PSCA: variants seen among roughly 807,000 people sequenced by gnomAD.
The protein encoded by PSCA is prostate stem cell antigen.
A neutral mutation model predicts 7.9 loss-of-function variants in PSCA; 7 were observed. The ratio of observed to expected loss-of-function variants is 0.89; its 90% confidence interval spans 0.51 to 1.67. The LOEUF (loss-of-function observed/expected upper bound fraction) is 1.67. Among genes scored for constraint, PSCA ranks in the 40% most tolerant of loss-of-function variants. The pLI is 0.00. For missense variants in PSCA, 151 were observed against 147.9 expected (o/e 1.02, Z -0.11); for synonymous variants, 61 against 68.3 (o/e 0.89, Z 0.53).
upstream of PSCA, chr8:142,680,420 C>CGCT: frequency 1.6e-6 from 2 of 1,287,478 alleles, no homozygotes; most frequent in South Asian, 2.6e-5. Context: ...CCAGGAAACC[C>CGCT]GCTGGTGTTG....
intron 1 of PSCA, among the ~76,000 whole-genome samples, chr8:142,670,817 T>C (rs9297976): frequency 0.41 from 62,543 of 152,068 alleles, 12,944 homozygotes; most frequent in Non-Finnish European, 0.43. Flanking sequence ...GAGATTCTTA[T>C]GTTTATCAGG....
At chr8:142,675,478 G>A (rs1554637749), upstream of PSCA, among the ~76,000 whole-genome samples, 2 of 152,014 alleles carry the variant, frequency 1.3e-5, no homozygotes, top group South Asian at 2.1e-4. Flanking sequence ...GGGGAAGAAC[G>A]CCTCTGAGGG....
upstream of PSCA, chr8:142,675,914 C>T (rs1847395526): frequency 6.6e-6 from 1 of 152,194 alleles, no homozygotes. Flanking sequence ...AAGTGACATG[C>T]TATCTTTATT....
chr8:142,670,540 T>A (rs1847303184), exon 1 of PSCA: 1 of 152,230 alleles, frequency 6.6e-6, no homozygotes, highest in Non-Finnish European at 1.5e-5. Context: ...ACGATGGGAT[T>A]TGAAACTTTT....
At chr8:142,678,755 C>T (rs11784607), upstream of PSCA, among the ~76,000 whole-genome samples, 4 of 66,286 alleles carry the variant, frequency 6.0e-5, no homozygotes, top group South Asian at 4.6e-4. Context: ...GGGTCCTAGC[C>T]ACTGCTACCA....
In PSCA at chr8:142,681,913, C is replaced by T. The variant is rs782010692; in HGVS notation, c.134-8C>T. The T allele has an allele frequency of 5.9e-6, 9 of 1,520,876 alleles. 1 individual carries two copies. The South Asian group carries it at 1.0e-4, about 17-fold the overall frequency. 94.2% of individuals were successfully genotyped at this position (1,520,876 alleles called of 1,614,324 possible). ...GCAGCCCCATCCCCGGATCCCGCTG[C>T]TCCCCAGGCGCAGTTGGCCTCCTGA... On this transcript the variant is annotated splice_polypyrimidine_tract_variant and splice_region_variant and intron_variant, in intron 2 of 2. Transcript: ENST00000301258.
intron 1 of PSCA, among the ~76,000 whole-genome samples, chr8:142,670,816 AT>A (rs1382865430): frequency 6.6e-6 from 1 of 152,182 alleles, no homozygotes; most frequent in African/African-American, 2.4e-5. Flanking sequence ...AGAGATTCTT[AT>A]GTTTATCAGG....
chr8:142,674,154 A>G (rs1847368632), intron 1 of PSCA, among the ~76,000 whole-genome samples: 1 of 149,788 alleles, frequency 6.7e-6, no homozygotes, highest in Non-Finnish European at 1.5e-5. Context: ...TTCCTAATGA[A>G]TAACGGCTGG....
In PSCA at chr8:142,682,001, A is replaced by T; in HGVS notation, c.214A>T (p.Lys72Ter). The T allele has an allele frequency of 6.2e-7, 1 of 1,612,796 alleles. No homozygotes were observed. Among genetic ancestry groups the T allele is most frequent in the Non-Finnish European group, 8.5e-7 (1 of 1,179,564 alleles). ...TGACTCACAGGACTACTACGTGGGC[A>T]AGAAGAACATCACGTGCTGTGACAC... is the stretch of plus-strand genomic sequence containing the variant. ...VDDSQDYYVG[K>*]KNITCCDTDL... The change falls in exon 3 of 3, where the codon AAG becomes TAG. Residue 72 changes from lysine to a stop codon, truncating the protein, a stop_gained. Coordinates refer to ENST00000301258, the MANE Select transcript of PSCA (RefSeq NM_005672.5). LOFTEE classifies it low-confidence loss of function (END_TRUNC).
At chr8:142,681,830 AT>A in intron 2 of PSCA, 90 bp from the exon 3 acceptor site, 1 of 900,946 alleles carries the variant, frequency 1.1e-6, no homozygotes, top group Non-Finnish European at 1.7e-6. Context: ...ACTCTAGAGC[AT>A]TAGGCAGGGT....
chr8:142,676,657 A>G (rs1587544275), upstream of PSCA: 1 of 152,252 alleles, frequency 6.6e-6, no homozygotes, highest in South Asian at 2.1e-4. Context: ...GGGAGGGATC[A>G]GAAAGAGAGG....
intron 2 of PSCA, 115 bp from the exon 3 acceptor site, chr8:142,681,806 G>C: frequency 2.6e-6 from 2 of 774,614 alleles, no homozygotes; most frequent in Non-Finnish European, 4.1e-6. Context: ...CAATCCTGAG[G>C]CCAGCCCAGG....
upstream of PSCA, among the ~76,000 whole-genome samples, chr8:142,678,327 C>T (rs1283025759): frequency 6.6e-6 from 1 of 152,234 alleles, no homozygotes; most frequent in Non-Finnish European, 1.5e-5. Context: ...CAGACACACA[C>T]TCGGCAGCAG....
At chr8:142,676,824 C>T (rs922271778), upstream of PSCA, among the ~76,000 whole-genome samples, 35 of 152,208 alleles carry the variant, frequency 2.3e-4, no homozygotes, top group African/African-American at 8.2e-4. Context: ...GTTTTATTAT[C>T]ACTCACATCA....
Position 142,673,686 on chromosome 8 carries a change from T to C in PSCA, n.261+3118T>C, listed in dbSNP as rs1554637552. Among the ~76,000 whole-genome samples, 1 of 152,168 alleles carries C rather than the reference T, an allele frequency of 6.6e-6. No homozygotes were observed. Among genetic ancestry groups the C allele is most frequent in the African/African-American group, 2.4e-5 (1 of 41,434 alleles). ...ATGGGTGCTGCTGGTTGGCTGGGGATGTGGAAAATGGTCCTCCTGTGCACT... is the reference window on the plus strand; with the variant it reads ...ATGGGTGCTGCTGGTTGGCTGGGGACGTGGAAAATGGTCCTCCTGTGCACT... On this transcript the variant is annotated intron_variant and non_coding_transcript_variant, in intron 1 of 1. Coordinates refer to the PSCA transcript ENST00000505305. This position sits in a 1 kb window ranked among gnomAD's most constrained non-coding sequence, Gnocchi z 4.6.
Position 142,673,987 on chromosome 8 carries a change from A to T in PSCA, n.261+3419A>T. Reference sequence around the variant, plus strand: ...TAACGGCTGGGAATCGTTTCAGTCTAACCTCAGCAGAGCGCAGATCACCCA... The same window carrying T: ...TAACGGCTGGGAATCGTTTCAGTCTTACCTCAGCAGAGCGCAGATCACCCA... On this transcript the variant is annotated intron_variant and non_coding_transcript_variant, in intron 1 of 1. Transcript: ENST00000505305. This position sits in a 1 kb window ranked among gnomAD's most constrained non-coding sequence, Gnocchi z 4.6. Among the ~76,000 whole-genome samples, 1 of 150,164 alleles carries T rather than the reference A, an allele frequency of 6.7e-6. No individual in the cohort carries two copies. The highest frequency in any genetic ancestry group is 2.0e-4 in the East Asian group (1 of 5,110).
chr8:142,673,365 T>C lies in PSCA; in HGVS notation n.261+2797T>C, dbSNP rs1320381191. On this transcript the variant is annotated intron_variant and non_coding_transcript_variant, in intron 1 of 1. Coordinates refer to the PSCA transcript ENST00000505305. The surrounding 1 kb of genome is among the most constrained non-coding windows in gnomAD (Gnocchi z 4.6). ...AGATGCATGGGGCTCCTCCAGGTGC[T>C]CCTACCATTACTCACGGAACCTTGG... Among the ~76,000 whole-genome samples the C allele has an allele frequency of 6.6e-6, 1 of 152,122 alleles. No individual in the cohort carries two copies. The highest frequency in any genetic ancestry group is 1.5e-5 in the Non-Finnish European group (1 of 68,032).
intron 2 of PSCA, 36 bp downstream of exon 2, chr8:142,681,470 T>A: frequency 6.6e-7 from 1 of 1,520,022 alleles, no homozygotes; most frequent in Admixed American, 1.9e-5. Flanking sequence ...GGCCTAGGTC[T>A]CTGCCACTGA....
chr8:142,677,972 C>A (rs1847417723), upstream of PSCA, among the ~76,000 whole-genome samples: 1 of 152,138 alleles, frequency 6.6e-6, no homozygotes. Context: ...ATTCCTGGTG[C>A]CACTGAGTCC....
Sources: allele counts gnomAD v4.1 joint callset (sites outside exome capture counted in the v4.1 genomes callset), GRCh38; gene constraint gnomAD v4.1.1; non-coding constraint Gnocchi (gnomAD v3.1); transcripts MANE v1.5; gene names NCBI Gene and HGNC (gene_info 2026-07-23, HGNC 2026-07-21).